The following CCN4 variants were observed in gnomAD, a reference collection of about 807,000 sequenced individuals.
The protein encoded by CCN4 is cellular communication network factor 4.
Under a neutral mutation model 36.7 loss-of-function variants are expected in CCN4, and 30 were observed. The ratio of observed to expected loss-of-function variants is 0.82; its 90% CI spans 0.61 to 1.11. The LOEUF is 1.11. CCN4 is among the 50% of genes least tolerant of loss of function. The pLI, the probability that CCN4 is intolerant of heterozygous loss-of-function variation, is 0.00. For missense variants in CCN4, 505 were observed against 504.9 expected, an observed-to-expected ratio of 1.00 and a Z score of 0.00; for synonymous variants, 191 against 195.4, an observed-to-expected ratio of 0.98 and a Z score of 0.19.
At chr8:133,207,995 T>G (rs1214145480) in intron 1 of CCN4, among the ~76,000 whole-genome samples, 1 of 20,032 alleles carries the variant, frequency 5.0e-5, no homozygotes, top group African/African-American at 8.6e-5. Flanking sequence ...CTTTCAGCTG[T>G]TTTTTTTTTT....
chr8:133,199,900 C>A (rs1853526263), intron 1 of CCN4, among the ~76,000 whole-genome samples: 2 of 152,094 alleles, frequency 1.3e-5, no homozygotes, highest in South Asian at 4.1e-4. Flanking sequence ...TCACGAGAGC[C>A]CTATGTGGCA....
intron 4 of CCN4, 112 bp downstream of exon 4, chr8:133,225,695 G>A (rs887008488): frequency 8.9e-7 from 1 of 1,123,612 alleles, no homozygotes; most frequent in Middle Eastern, 2.5e-4. Flanking sequence ...GAATAGTTAA[G>A]CTCACCTGGT....
chr8:133,213,918 A>G (rs1220535363), intron 2 of CCN4, among the ~76,000 whole-genome samples: 1 of 18,036 alleles, frequency 5.5e-5, no homozygotes, highest in African/African-American at 1.4e-4. Context: ...TATATATAGT[A>G]GTTATATATA....
chr8:133,220,681 G>A lies in CCN4; in HGVS notation c.450G>A (p.Ala150=), dbSNP rs768053042. ...CKYNCTCIDG[A]VGCTPLCLRV... The stretch of plus-strand genomic sequence containing the variant: ...ACAACTGCACGTGCATCGACGGCGC[G>A]GTGGGCTGCACACCACTGTGCCTCC... The change falls in exon 3 of 5, where the codon GCG becomes GCA. Residue 150 remains alanine (A), a synonymous_variant. Coordinates refer to ENST00000250160, the MANE Select transcript of CCN4 (RefSeq NM_003882.4). The A allele has an allele frequency of 1.5e-5, 25 of 1,613,860 alleles. No individual in the cohort carries two copies. Among genetic ancestry groups the A allele is most frequent in the East Asian group, 4.5e-5 (2 of 44,872 alleles).
At chr8:133,196,019 A>G (rs1049294311) in intron 1 of CCN4, among the ~76,000 whole-genome samples, 2 of 152,212 alleles carry the variant, frequency 1.3e-5, no homozygotes, top group Non-Finnish European at 2.9e-5. Flanking sequence ...CACAACCAGG[A>G]AGCAAAGCGA....
chr8:133,206,099 G>C (rs1392568989), intron 1 of CCN4, among the ~76,000 whole-genome samples: 2 of 152,168 alleles, frequency 1.3e-5, no homozygotes, highest in African/African-American at 4.8e-5. Flanking sequence ...GCCAAACCAG[G>C]GTACTAGAGG....
chr8:133,220,097 T>C (rs183146341), intron 2 of CCN4, among the ~76,000 whole-genome samples: 7 of 152,274 alleles, frequency 4.6e-5, no homozygotes, highest in South Asian at 2.1e-4. Context: ...TGAGGGCATG[T>C]CTTTTGTCTG....
chr8:133,223,123 G>A (rs551687085), intron 3 of CCN4, among the ~76,000 whole-genome samples: 83 of 152,148 alleles, frequency 5.5e-4, no homozygotes, highest in African/African-American at 1.8e-3. Flanking sequence ...AGGAGGAGGC[G>A]TGGAGGAAAG....
intron 2 of CCN4, among the ~76,000 whole-genome samples, chr8:133,213,380 C>A (rs1854138992): frequency 6.6e-6 from 1 of 152,146 alleles, no homozygotes; most frequent in Non-Finnish European, 1.5e-5. Flanking sequence ...GTCCTGGAGG[C>A]ACATTCATGG....
rs139669488 is a variant in CCN4 at position 133,220,665 on chromosome 8, C to T, written c.434C>T (p.Thr145Met). ...CAGCCTAACTGCAAGTACAACTGCA[C>T]GTGCATCGACGGCGCGGTGGGCTGC... Reference protein sequence around the residue: ...SFQPNCKYNCTCIDGAVGCTP... With the variant: ...SFQPNCKYNCMCIDGAVGCTP... The change falls in exon 3 of 5, where the codon ACG becomes ATG. Residue 145 changes from threonine (T) to methionine (M), a missense_variant. Thr to Met is a moderately conservative substitution (Grantham distance 81, BLOSUM62 -1). Transcript: ENST00000250160. 2.1e-3 allele frequency: 3,309 copies of T among 1,614,136 alleles called. 7 individuals carry two copies. The highest frequency in any genetic ancestry group is 2.5e-3 in the South Asian group (229 of 91,090).
intron 3 of CCN4, among the ~76,000 whole-genome samples, chr8:133,224,085 G>A (rs529726453): frequency 1.7e-3 from 264 of 152,274 alleles, no homozygotes; most frequent in Middle Eastern, 6.8e-3. Context: ...CATGGCACTA[G>A]AAAGAGATGC....
In CCN4 at chr8:133,231,447, A is replaced by G. The variant is rs1854962554; in HGVS notation, c.*3737A>G. ...AATTTTCCAATAGAGGAAAAATAACACTTGGGCAATCTGTCATGTTTCACA... is the reference window on the plus strand; with the variant it reads ...AATTTTCCAATAGAGGAAAAATAACGCTTGGGCAATCTGTCATGTTTCACA... On this transcript the variant is annotated 3_prime_UTR_variant, in exon 5 of 5. Transcript: ENST00000250160. 6.6e-6 allele frequency: 1 copy of G among 152,220 alleles called. No individual in the cohort carries two copies. Among genetic ancestry groups the G allele is most frequent in the Non-Finnish European group, 1.5e-5 (1 of 68,032 alleles). The allele number at this position is 152,220 out of a possible 1,614,324, so 9.4% of individuals were successfully genotyped here.
intron 1 of CCN4, 124 bp from the exon 2 acceptor site, chr8:133,212,740 T>C (rs1461913592): frequency 2.6e-6 from 2 of 775,148 alleles, no homozygotes; most frequent in East Asian, 2.7e-5. Context: ...AAAAGCGTGA[T>C]AGAAAAAATA....
chr8:133,201,007 A>ATC (rs146826978), intron 1 of CCN4, among the ~76,000 whole-genome samples: 1 of 151,914 alleles, frequency 6.6e-6, no homozygotes. Context: ...TCTAGGGAGC[A>ATC]CTCTGTGGTC....
intron 1 of CCN4, among the ~76,000 whole-genome samples, chr8:133,203,257 G>T (rs934750861): frequency 6.6e-6 from 1 of 152,242 alleles, no homozygotes; most frequent in Non-Finnish European, 1.5e-5. Flanking sequence ...TCTTCTGGGG[G>T]CCCTTGGCAA....
At chr8:133,195,524 C>T (rs1042676766) in intron 1 of CCN4, among the ~76,000 whole-genome samples, 1 of 152,028 alleles carries the variant, frequency 6.6e-6, no homozygotes, top group African/African-American at 2.4e-5. Context: ...AGGCCCCACA[C>T]CCCCAACTCC....
chr8:133,195,597 A>G (rs2130526231), intron 1 of CCN4, among the ~76,000 whole-genome samples: 1 of 152,086 alleles, frequency 6.6e-6, no homozygotes, highest in Non-Finnish European at 1.5e-5. Context: ...CCTCCAGCCG[A>G]CAGCTTATCT....
At chr8:133,200,244 T>C (rs1418485088) in intron 1 of CCN4, among the ~76,000 whole-genome samples, 1 of 152,214 alleles carries the variant, frequency 6.6e-6, no homozygotes, top group Non-Finnish European at 1.5e-5. Context: ...CATCCCAGCC[T>C]GCTCTTGTTA....
chr8:133,208,205 C>G (rs112035553), intron 1 of CCN4, among the ~76,000 whole-genome samples: 2,237 of 152,204 alleles, frequency 0.015, 49 homozygotes, highest in African/African-American at 0.051. Context: ...AGGGCTAGGG[C>G]AAGACAGTCC....
Sources: allele counts gnomAD v4.1 joint callset (sites outside exome capture counted in the v4.1 genomes callset), GRCh38; gene constraint gnomAD v4.1.1; transcripts MANE v1.5; gene names NCBI Gene and HGNC (gene_info 2026-07-23, HGNC 2026-07-21).